Variants in RBM26 observed in about 807,000 individuals in gnomAD.
RBM26 encodes the protein RNA binding motif protein 26.
In RBM26, 30 loss-of-function variants were observed where a neutral mutation model predicts 123.6. The ratio of observed to expected loss-of-function variants is 0.24; its 90% CI spans 0.18 to 0.33. The LOEUF (loss-of-function observed/expected upper bound fraction) is 0.33. Among genes scored for constraint, RBM26 ranks in the 10% least tolerant of loss-of-function variants. RBM26 has a pLI of 1.00. For synonymous variants in RBM26, 400 were observed against 404.4 expected, an observed-to-expected ratio of 0.99 and a Z score of 0.13; for missense variants, 947 against 1,203.6, an observed-to-expected ratio of 0.79 and a Z score of 3.15.
chr13:79,397,574 C>T (rs537742398), intron 1 of RBM26, among the ~76,000 whole-genome samples: 69 of 146,512 alleles, frequency 4.7e-4, no homozygotes, highest in Non-Finnish European at 8.3e-4. Context: ...CTCAGTTACT[C>T]GGAAGACTGA....
intron 9 of RBM26, among the ~76,000 whole-genome samples, chr13:79,360,799 G>A (rs1327673622): frequency 3.9e-5 from 6 of 152,160 alleles, no homozygotes; most frequent in Non-Finnish European, 8.8e-5. Context: ...TACATGGCAT[G>A]TAATGAGCAT....
At chr13:79,375,093 T>TG (rs1292325520) in intron 3 of RBM26, among the ~76,000 whole-genome samples, 2 of 98,814 alleles carry the variant, frequency 2.0e-5, no homozygotes, top group African/African-American at 7.8e-5. Context: ...TATAAATATA[T>TG]ATTTATATAT....
chr13:79,343,616 AAAAG>A (rs1191976013), intron 16 of RBM26, among the ~76,000 whole-genome samples: 3 of 151,952 alleles, frequency 2.0e-5, no homozygotes, highest in South Asian at 2.1e-4. Context: ...AACTCAGTCC[AAAAG>A]AAAGAACCCA....
intron 9 of RBM26, among the ~76,000 whole-genome samples, chr13:79,364,410 CT>C (rs1408313313): frequency 6.6e-6 from 1 of 152,094 alleles, no homozygotes; most frequent in Non-Finnish European, 1.5e-5. Context: ...CTAACTAAGA[CT>C]TTTATTCACA....
intron 14 of RBM26, among the ~76,000 whole-genome samples, chr13:79,345,491 T>C (rs557380767): frequency 1.3e-5 from 2 of 152,192 alleles, no homozygotes; most frequent in South Asian, 2.1e-4. Context: ...ATGTGTCTTT[T>C]CCCCCGTCTA....
At chr13:79,379,525 AAAG>A (rs1266938935) in intron 1 of RBM26, among the ~76,000 whole-genome samples, 3 of 147,984 alleles carry the variant, frequency 2.0e-5, no homozygotes, top group African/African-American at 7.4e-5. Context: ...TCTGGGTGAC[AAAG>A]TAAGAACCCT....
At position 79,320,389 on chromosome 13, in the gene RBM26, CAT is replaced by C. The variant is rs2067535362; in HGVS notation, c.*230_*231del. On this transcript the variant is annotated 3_prime_UTR_variant, in exon 22 of 22. Coordinates refer to ENST00000438737, the MANE Select transcript of RBM26 (RefSeq NM_001366735.2). ...GTAGAAGTATGTAATAAAAACATTGCATATGTTTCTAGTGTGATGTCTTTAGC... is the reference window on the plus strand; with the variant it reads ...GTAGAAGTATGTAATAAAAACATTGCATGTTTCTAGTGTGATGTCTTTAGC... The C allele has an allele frequency of 6.1e-6, 7 of 1,142,948 alleles. No individual in the cohort carries two copies. In the South Asian group the frequency reaches 1.5e-4, roughly 25 times the overall value. 70.8% of individuals were successfully genotyped at this position (1,142,948 alleles called of 1,614,324 possible). A position where few individuals can be genotyped will look rare whatever the true frequency, so the allele number is the denominator to read the frequency against.
At chr13:79,352,687 G>C (rs759866795) in intron 14 of RBM26, among the ~76,000 whole-genome samples, 4 of 151,978 alleles carry the variant, frequency 2.6e-5, no homozygotes, top group Non-Finnish European at 5.9e-5. Context: ...TTGATCTTCA[G>C]AAAACCCCAT....
At chr13:79,344,854 C>G in intron 14 of RBM26, 60 bp from the exon 15 acceptor site, 3 of 1,533,674 alleles carry the variant, frequency 2.0e-6, no homozygotes, top group Non-Finnish European at 1.8e-6. Context: ...ATCCTATTTT[C>G]TATAAGACTC....
chr13:79,320,123 G>A lies in RBM26; in HGVS notation c.*498C>T. The A allele has an allele frequency of 1.0e-6, 1 of 968,694 alleles. No homozygotes were observed. The highest frequency in any genetic ancestry group is 1.2e-6 in the Non-Finnish European group (1 of 815,610). The allele number at this position is 968,694 out of a possible 1,614,324, so 60.0% of individuals were successfully genotyped here. On this transcript the variant is annotated 3_prime_UTR_variant, in exon 22 of 22. Coordinates refer to ENST00000438737, the MANE Select transcript of RBM26 (RefSeq NM_001366735.2). Reference sequence around the variant, plus strand: ...AAAATACATACACAGTCCAACAAAAGGCTAATACATAGTAAAGCCTAAGCA... The same window carrying A: ...AAAATACATACACAGTCCAACAAAAAGCTAATACATAGTAAAGCCTAAGCA...
chr13:79,351,763 C>T (rs2073271355), intron 14 of RBM26, among the ~76,000 whole-genome samples: 3 of 152,108 alleles, frequency 2.0e-5, no homozygotes, highest in Admixed American at 2.0e-4. Context: ...TATCGATGAG[C>T]TGTGAATCAA....
intron 1 of RBM26, among the ~76,000 whole-genome samples, chr13:79,388,569 A>G (rs1594653905): frequency 6.6e-6 from 1 of 152,224 alleles, no homozygotes; most frequent in Non-Finnish European, 1.5e-5. Flanking sequence ...ATCACAATGT[A>G]TACTCACGAT....
intron 13 of RBM26, among the ~76,000 whole-genome samples, chr13:79,354,126 T>A (rs56911077): frequency 0.29 from 44,701 of 151,974 alleles, 8,091 homozygotes; most frequent in Non-Finnish European, 0.41. Context: ...TTTAATGTAC[T>A]CAACTTCACT....
intron 20 of RBM26, among the ~76,000 whole-genome samples, chr13:79,330,737 G>A (rs2069163898): frequency 6.6e-6 from 1 of 151,998 alleles, no homozygotes; most frequent in Admixed American, 6.6e-5. Flanking sequence ...TAATATATAT[G>A]ACCACACATT....
In RBM26 at chr13:79,342,701, C is replaced by A. The variant is rs1323037197; in HGVS notation, c.2390G>T (p.Gly797Val). Reference sequence around the variant, plus strand: ...TTTTATACTTTTTGGAAGACAGCGTCCAGGAGAAGCAGCTTTGACCTCATC... The same window carrying A: ...TTTTATACTTTTTGGAAGACAGCGTACAGGAGAAGCAGCTTTGACCTCATC... ...LKDEVKAASP[G>V]RCLPKSIKTK... Residue 797 changes from glycine (G) to valine (V), a missense_variant, in exon 17 of 22, where the codon GGA becomes GTA. Physicochemically the swap from Gly to Val is moderately radical, Grantham distance 109. Transcript: ENST00000438737. The A allele has an allele frequency of 6.2e-7, 1 of 1,611,052 alleles. No homozygotes were observed. Among genetic ancestry groups the A allele is most frequent in the Non-Finnish European group, 8.5e-7 (1 of 1,178,296 alleles).
chr13:79,380,178 C>A lies in RBM26; in HGVS notation c.72-1271G>T, dbSNP rs968545911. Among the ~76,000 whole-genome samples the A allele has an allele frequency of 4.6e-5, 7 of 152,048 alleles. 1 individual carries two copies. In the South Asian group the frequency reaches 8.3e-4, roughly 18 times the overall value. On this transcript the variant is annotated intron_variant, in intron 1 of 21. Transcript: ENST00000438737. ...TTCATTGTCATATTGATTGTAAAAT[C>A]AAAAATGTGCACATGTCCATTTAGA...
chr13:79,322,311 G>A (rs920051694), intron 21 of RBM26, 38 bp downstream of exon 21: 78 of 1,304,602 alleles, frequency 6.0e-5, no homozygotes, highest in Non-Finnish European at 7.5e-5. Context: ...AGCTATGAAC[G>A]ATTAAGGGTA....
rs750969358 is a variant in RBM26, at chr13:79,404,355, C to A, written c.71+1349G>T. On this transcript the variant is annotated intron_variant, in intron 1 of 21. Coordinates refer to ENST00000438737, the MANE Select transcript of RBM26 (RefSeq NM_001366735.2). ...TTGGATCTGCCTGTCTCCACCATCA[C>A]TCTAATGCAAACTAGCCACATCTCT... is the stretch of plus-strand genomic sequence containing the variant. Among the ~76,000 whole-genome samples, 54 of 152,332 alleles carry A rather than the reference C, an allele frequency of 3.5e-4. 1 individual carries two copies. Among genetic ancestry groups the A allele is most frequent in the Middle Eastern group, 6.8e-3 (2 of 294 alleles).
chr13:79,344,655 C>A lies in RBM26; in HGVS notation c.2184+14G>T, dbSNP rs2072001912. 2 of 1,604,242 alleles carry A rather than the reference C, an allele frequency of 1.2e-6. No homozygotes were observed. The highest frequency in any genetic ancestry group is 1.3e-5 in the African/African-American group (1 of 74,138). ...ATATGCAAAAATTTTTTATACTATA[C>A]CAGTTGTACTTACCTGTTTTTTTTT... On this transcript the variant is annotated intron_variant, in intron 15 of 21. Coordinates refer to ENST00000438737, the MANE Select transcript of RBM26 (RefSeq NM_001366735.2).
Sources: gnomAD v4.1 joint callset for allele counts (sites outside exome capture counted in the v4.1 genomes callset) on GRCh38, gnomAD v4.1.1 for gene constraint, MANE v1.5 for transcripts, NCBI Gene and HGNC (gene_info 2026-07-23, HGNC 2026-07-21) for gene names.